Variants in BNIP2 observed in about 807,000 individuals in gnomAD.
The protein encoded by BNIP2 is BCL2/adenovirus E1B 19 kDa protein-interacting protein 2.
BNIP2 carries 36 observed loss-of-function variants against 43.4 expected under a neutral mutation model. That is an observed-to-expected ratio of 0.83 (90% CI 0.64 to 1.10). The LOEUF (loss-of-function observed/expected upper bound fraction) is 1.10. Ranked by LOEUF, BNIP2 falls within the 50% of genes least tolerant of loss-of-function variation. The pLI, the probability that BNIP2 is intolerant of heterozygous loss-of-function variation, is 0.00. For synonymous variants in BNIP2, 146 were observed against 121.0 expected (o/e 1.21, Z -1.35); for missense variants, 417 against 374.1 (o/e 1.11, Z -0.95).
In BNIP2 at chr15:59,678,204, T is replaced by C. The variant is rs182972573; in HGVS notation, c.296-117A>G. ...AATTTTCATTATACCATCTGCACAA[T>C]TTTCAATCTCTCTTCCATAAAGGAG... is the stretch of plus-strand genomic sequence containing the variant. On this transcript the variant is annotated intron_variant, in intron 4 of 9. Coordinates refer to ENST00000607373, the MANE Select transcript of BNIP2 (RefSeq NM_004330.4). 1.3e-5 allele frequency: 19 copies of C among 1,419,196 alleles called. No homozygotes were observed. The East Asian group carries it at 4.1e-4, about 31-fold the overall frequency. 87.9% of individuals were successfully genotyped at this position (1,419,196 alleles called of 1,614,324 possible).
rs1463066909 is a variant in BNIP2, at chr15:59,669,289, T to C, written c.781A>G (p.Arg261Gly). 20 of 1,552,354 alleles carry C rather than the reference T, an allele frequency of 1.3e-5. No individual in the cohort carries two copies. The highest frequency in any genetic ancestry group is 1.1e-4 in the Admixed American group (5 of 45,044). ...WFIRTLLAVT[R>G]PFISSKFSQK... ...CTCAAAAATTACCTAATAAATGGTC[T>C]TGTAACAGCCAGAAGTGTTCTGATA... The change falls in exon 8 of 10, where the codon AGA becomes GGA. Residue 261 changes from arginine to glycine, a missense_variant. Coordinates refer to ENST00000607373, the MANE Select transcript of BNIP2 (RefSeq NM_004330.4).
At chr15:59,664,257 T>G in intron 9 of BNIP2, 137 bp from the exon 10 acceptor site, 1 of 497,242 alleles carries the variant, frequency 2.0e-6, no homozygotes, top group Non-Finnish European at 3.3e-6. Flanking sequence ...GTAAAAACAG[T>G]TACCAAACAT....
chr15:59,669,739 A>G (rs1892786044), intron 7 of BNIP2, among the ~76,000 whole-genome samples: 1 of 152,230 alleles, frequency 6.6e-6, no homozygotes, highest in Non-Finnish European at 1.5e-5. Context: ...AAAACCATGA[A>G]AAGCACTGTG....
At chr15:59,682,808 T>A (rs1160823110) in intron 1 of BNIP2, among the ~76,000 whole-genome samples, 1 of 152,198 alleles carries the variant, frequency 6.6e-6, no homozygotes, top group Non-Finnish European at 1.5e-5. Context: ...TATTTCATAC[T>A]ATGGATTATA....
chr15:59,687,292 G>C (rs1248591111), intron 1 of BNIP2, among the ~76,000 whole-genome samples: 1 of 151,186 alleles, frequency 6.6e-6, no homozygotes, highest in Non-Finnish European at 1.5e-5. Flanking sequence ...CATTATACTA[G>C]TATTCTGCTT....
intron 5 of BNIP2, chr15:59,677,326 C>T: frequency 6.4e-7 from 1 of 1,564,024 alleles, no homozygotes; most frequent in South Asian, 1.2e-5. Flanking sequence ...CCATGAGCCC[C>T]AGCGTTCAGA....
At chr15:59,664,275 C>T (rs1303739201) in intron 9 of BNIP2, among the ~76,000 whole-genome samples, 155 bp from the exon 10 acceptor site, 1 of 152,154 alleles carries the variant, frequency 6.6e-6, no homozygotes, top group Non-Finnish European at 1.5e-5. Context: ...CATCATTTCC[C>T]CAACCAGAAA....
At chr15:59,673,779 A>G (rs1340765986) in intron 5 of BNIP2, among the ~76,000 whole-genome samples, 1 of 152,192 alleles carries the variant, frequency 6.6e-6, no homozygotes, top group African/African-American at 2.4e-5. Flanking sequence ...AGCATTTTGT[A>G]GAAATTAGGA....
chr15:59,685,945 T>A (rs1893986816), intron 1 of BNIP2, among the ~76,000 whole-genome samples: 1 of 152,206 alleles, frequency 6.6e-6, no homozygotes, highest in Non-Finnish European at 1.5e-5. Context: ...TTCTTGTTCA[T>A]GTATTTTTTT....
At chr15:59,687,010 G>C (rs185521189) in intron 1 of BNIP2, among the ~76,000 whole-genome samples, 5 of 152,162 alleles carry the variant, frequency 3.3e-5, no homozygotes, top group African/African-American at 1.2e-4. Context: ...GAGCGAGACT[G>C]CATCTCAAAA....
intron 5 of BNIP2, 39 bp from the exon 6 acceptor site, chr15:59,672,778 T>G: frequency 6.6e-7 from 1 of 1,505,800 alleles, no homozygotes; most frequent in Non-Finnish European, 9.2e-7. Flanking sequence ...CAGCACGATT[T>G]TACTCTTAGG....
intron 1 of BNIP2, among the ~76,000 whole-genome samples, chr15:59,685,103 T>C (rs766221206): frequency 3.9e-5 from 6 of 152,314 alleles, no homozygotes; most frequent in South Asian, 2.1e-4. Flanking sequence ...ATTTGTAAAA[T>C]TGTTCCTCAC....
At position 59,661,789 on chromosome 15, in the gene BNIP2, G is replaced by C. The variant is rs949487650; in HGVS notation, c.*2280C>G. On this transcript the variant is annotated 3_prime_UTR_variant, in exon 10 of 10. Transcript: ENST00000607373. ...GAAATGTTAACTTAGCTATAGATTAGAAACAACAGACTTAATAAATGCTCT... is the reference window on the plus strand; with the variant it reads ...GAAATGTTAACTTAGCTATAGATTACAAACAACAGACTTAATAAATGCTCT... 6.6e-6 allele frequency: 1 copy of C among 152,208 alleles called. No homozygotes were observed. 9.4% of individuals were successfully genotyped at this position (152,208 alleles called of 1,614,324 possible).
intron 9 of BNIP2, among the ~76,000 whole-genome samples, chr15:59,664,492 C>T (rs1892449686): frequency 6.6e-6 from 1 of 152,136 alleles, no homozygotes. Context: ...CACCATTGTC[C>T]TGCCTCAGCC....
chr15:59,664,136 T>C lies in BNIP2; in HGVS notation c.894-16A>G. On this transcript the variant is annotated splice_polypyrimidine_tract_variant and intron_variant, in intron 9 of 9. Coordinates refer to ENST00000607373, the MANE Select transcript of BNIP2 (RefSeq NM_004330.4). The stretch of plus-strand genomic sequence containing the variant: ...TTGATCAACTCTGTTTAATGAAGAA[T>C]ATATAAAATAAGAAACCAGCAACTG... The C allele has an allele frequency of 6.7e-7, 1 of 1,484,160 alleles. No homozygotes were observed. The highest frequency in any genetic ancestry group is 9.1e-7 in the Non-Finnish European group (1 of 1,099,136). 91.9% of individuals were successfully genotyped at this position (1,484,160 alleles called of 1,614,324 possible).
At chr15:59,676,769 C>CG in intron 5 of BNIP2, 1 of 1,478,574 alleles carries the variant, frequency 6.8e-7, no homozygotes, top group South Asian at 1.2e-5. Flanking sequence ...GGAGGATGAG[C>CG]GGAGCTTTTC....
At chr15:59,667,959 TCACCCTGTATTTGGAAGTTGGGGTA>T (rs1320988870) in intron 9 of BNIP2, 8 of 420,154 alleles carry the variant, frequency 1.9e-5, no homozygotes, top group African/African-American at 1.7e-4. Flanking sequence ...AACTCTGGGT[TCACCCTGTATTTGGAAGTTGGGGTA>T]CATTTATATT....
At position 59,664,112 on chromosome 15, in the gene BNIP2, TG is replaced by T; in HGVS notation, c.901del (p.Gln301LysfsTer19). On this transcript the variant is annotated frameshift_variant, in exon 10 of 10. Transcript: ENST00000607373. LOFTEE classifies it high-confidence loss of function. ...GIPECIKQVD[Q>X]ELNGKQDEPK... The stretch of plus-strand genomic sequence containing the variant: ...TTCATCTTGTTTTCCATTAAGTTCT[TG>T]ATCAACTCTGTTTAATGAAGAATAT... 6.5e-7 allele frequency: 1 copy of T among 1,541,922 alleles called. No individual in the cohort carries two copies. The highest frequency in any genetic ancestry group is 2.0e-5 in the Admixed American group (1 of 49,980).
chr15:59,688,483 C>T lies in BNIP2; in HGVS notation c.-58+652G>A, dbSNP rs568062539. ...CACCGTAACTATCTTGATGCAACAC[C>T]GGAAAAGCTGTTTCGTCAAAGAGCT... is the stretch of plus-strand genomic sequence containing the variant. On this transcript the variant is annotated intron_variant, in intron 1 of 9. Coordinates refer to ENST00000607373, the MANE Select transcript of BNIP2 (RefSeq NM_004330.4). The T allele has an allele frequency of 2.5e-5, 11 of 447,598 alleles. No homozygotes were observed. In the East Asian group the frequency reaches 3.8e-4, roughly 16 times the overall value. 27.7% of individuals were successfully genotyped at this position (447,598 alleles called of 1,614,324 possible).
Sources: gnomAD v4.1 joint callset for allele counts (sites outside exome capture counted in the v4.1 genomes callset) on GRCh38, gnomAD v4.1.1 for gene constraint, MANE v1.5 for transcripts, NCBI Gene and HGNC (gene_info 2026-07-23, HGNC 2026-07-21) for gene names.